TLR8: variants seen among roughly 807,000 people sequenced by gnomAD.
TLR8 encodes toll like receptor 8.
In TLR8, 5 loss-of-function variants were observed where a neutral mutation model predicts 18.5. The observed-to-expected ratio is 0.27, with a 90% CI of 0.14 to 0.57. The LOEUF (loss-of-function observed/expected upper bound fraction) is 0.57, where lower values mean the gene tolerates loss of function less well. TLR8 is among the 20% of genes least tolerant of loss of function. The pLI is 0.92. For synonymous variants in TLR8, 299 were observed against 300.1 expected (o/e 1.00, Z 0.04); for missense variants, 543 against 769.8 (o/e 0.71, Z 3.49).
rs766189129 is a variant in TLR8, at chrX:12,906,753, T to C, written c.3+44T>C. The C allele has an allele frequency of 1.2e-5, 13 of 1,067,829 alleles. No individual in the cohort carries two copies. In the South Asian group the frequency reaches 3.4e-4, roughly 28 times the overall value. The allele number at this position is 1,067,829 out of a possible 1,213,427, so 88.0% of individuals were successfully genotyped here. ...TTTAGCAAAGCTTTCCAACAGAATA[T>C]GGGGTTTCTGACCCAGAAATCTGGG... is the stretch of plus-strand genomic sequence containing the variant. On this transcript the variant is annotated intron_variant, in intron 1 of 1. Transcript: ENST00000218032.
At position 12,919,223 on chromosome X, in the gene TLR8, G is replaced by A; in HGVS notation, c.183G>A (p.Val61=). ...GACTACAGGAAGTTCCCCAAACGGTGGGCAAATATGTGACAGAACTAGACC... is the reference window on the plus strand; with the variant it reads ...GACTACAGGAAGTTCCCCAAACGGTAGGCAAATATGTGACAGAACTAGACC... ...NRRLQEVPQT[V]GKYVTELDLS... Residue 61 remains valine (V), a synonymous_variant, in exon 2 of 2, where the codon GTG becomes GTA. Transcript: ENST00000218032. 5 of 1,211,631 alleles carry A rather than the reference G, an allele frequency of 4.1e-6. No homozygotes were observed. Among genetic ancestry groups the A allele is most frequent in the Non-Finnish European group, 5.6e-6 (5 of 895,384 alleles).
At chrX:12,910,549 T>A in intron 1 of TLR8, 1 of 901,815 alleles carries the variant, frequency 1.1e-6, no homozygotes, top group Non-Finnish European at 1.5e-6. Flanking sequence ...CGTCCCTACC[T>A]TTGTGCCCAC....
chrX:12,920,932 A>G lies in TLR8; in HGVS notation c.1892A>G (p.Tyr631Cys), dbSNP rs1295237839. 9.1e-6 allele frequency: 11 copies of G among 1,208,888 alleles called. No homozygotes were observed. Among genetic ancestry groups the G allele is most frequent in the Non-Finnish European group, 1.2e-5 (11 of 894,350 alleles). Residue 631 changes from tyrosine (Y) to cysteine (C), a missense_variant, in exon 2 of 2, where the codon TAT (tyrosine) becomes TGT (cysteine). Physicochemically the swap from Tyr to Cys is radical, Grantham distance 194. Coordinates refer to ENST00000218032, the MANE Select transcript of TLR8 (RefSeq NM_138636.5). ...TTGTGGAATGATGATGACAACAGGT[A>G]TATCTCCATTTTCAAAGGTCTCAAG... ...DILWNDDDNR[Y>C]ISIFKGLKNL...
chrX:12,912,325 G>T (rs754930032), intron 1 of TLR8, among the ~76,000 whole-genome samples: 2 of 112,866 alleles, frequency 1.8e-5, no homozygotes, highest in East Asian at 5.6e-4. Context: ...ACAACTTTTG[G>T]TAGTCAGAGG....
chrX:12,920,990 G>A lies in TLR8; in HGVS notation c.1950G>A (p.Arg650=). 1 of 1,210,791 alleles carries A rather than the reference G, an allele frequency of 8.3e-7. No homozygotes were observed. The highest frequency in any genetic ancestry group is 1.8e-5 in the South Asian group (1 of 56,946). ...NLTRLDLSLN[R]LKHIPNEAFL... ...CACGTCTGGATTTATCCCTTAATAG[G>A]CTGAAGCACATCCCAAATGAAGCAT... Residue 650 remains arginine (R), a synonymous_variant, in exon 2 of 2, where the codon AGG becomes AGA. Coordinates refer to ENST00000218032, the MANE Select transcript of TLR8 (RefSeq NM_138636.5).
rs1020168815 is a variant in TLR8 at position 12,921,657 on chromosome X, C to T, written c.2617C>T (p.Leu873Phe). The T allele has an allele frequency of 9.1e-6, 11 of 1,211,824 alleles. No individual in the cohort carries two copies. The highest frequency in any genetic ancestry group is 1.2e-5 in the Non-Finnish European group (11 of 895,470). The change falls in exon 2 of 2, where the codon CTT becomes TTT. Residue 873 changes from leucine to phenylalanine, a missense_variant. Around this residue, in one of 4 missense-constraint regions of TLR8, gnomAD observed 227 missense variants for 312.9 expected, o/e 0.73. Coordinates refer to ENST00000218032, the MANE Select transcript of TLR8 (RefSeq NM_138636.5). ...AGCTAAGGTAAAAGGCTACAGGTCT[C>T]TTTCCACATCCCAAACTTTCTATGA... ...CLAKVKGYRS[L>F]STSQTFYDAY...
chrX:12,909,604 A>C (rs1393520608), intron 1 of TLR8, among the ~76,000 whole-genome samples: 5 of 111,559 alleles, frequency 4.5e-5, no homozygotes, highest in Admixed American at 2.8e-4. Context: ...CAGAAAGGGA[A>C]CGTGGAAAAT....
Position 12,910,942 on chromosome X carries a change from A to G in TLR8, c.3+4233A>G, listed in dbSNP as rs150093959. Among the ~76,000 whole-genome samples, 598 of 108,273 alleles carry G rather than the reference A, an allele frequency of 5.5e-3. 6 individuals carry two copies. Among genetic ancestry groups the G allele is most frequent in the African/African-American group, 0.019 (556 of 29,579 alleles). 94.0% of individuals were successfully genotyped at this position (108,273 alleles called of 115,157 possible). A position where few individuals can be genotyped will look rare whatever the true frequency, so the allele number is the denominator to read the frequency against. On this transcript the variant is annotated intron_variant, in intron 1 of 1. Coordinates refer to ENST00000218032, the MANE Select transcript of TLR8 (RefSeq NM_138636.5). The stretch of plus-strand genomic sequence containing the variant: ...GGCAGGGAGAGGAGAAGTTGGGCAC[A>G]TTTTTTTTTCTTTTTTTTTTCATGA...
In TLR8 at chrX:12,915,301, C is replaced by G. The variant is rs776716364; in HGVS notation, c.4-3743C>G. Among the ~76,000 whole-genome samples, 12 of 111,323 alleles carry G rather than the reference C, an allele frequency of 1.1e-4. No individual in the cohort carries two copies. In the East Asian group the frequency reaches 3.4e-3, roughly 31 times the overall value. On this transcript the variant is annotated intron_variant, in intron 1 of 1. Coordinates refer to ENST00000218032, the MANE Select transcript of TLR8 (RefSeq NM_138636.5). ...TCTCAGCCTCCCAAGTAGCTGGGAC[C>G]ACAAGCATGAGCCACCATGCCCCGC...
chrX:12,920,907 T>C lies in TLR8; in HGVS notation c.1867T>C (p.Leu623=). 1 of 1,211,007 alleles carries C rather than the reference T, an allele frequency of 8.3e-7. No homozygotes were observed. Among genetic ancestry groups the C allele is most frequent in the Non-Finnish European group, 1.1e-6 (1 of 894,912 alleles). ...LVFSGNRLDI[L]WNDDDNRYIS... The stretch of plus-strand genomic sequence containing the variant: ...TTTCAGTGGCAATCGCCTTGACATT[T>C]TGTGGAATGATGATGACAACAGGTA... Residue 623 remains leucine, a synonymous_variant, in exon 2 of 2, where the codon TTG becomes CTG. Transcript: ENST00000218032.
intron 1 of TLR8, among the ~76,000 whole-genome samples, chrX:12,913,941 T>G (rs1232488012): frequency 8.9e-6 from 1 of 112,561 alleles, no homozygotes; most frequent in East Asian, 2.8e-4. Context: ...TATGTTTCCT[T>G]TTTATGTGAA....
In TLR8 at chrX:12,920,963, G is replaced by A. The variant is rs746454764; in HGVS notation, c.1923G>A (p.Leu641=). The A allele has an allele frequency of 8.3e-7, 1 of 1,211,044 alleles. No individual in the cohort carries two copies. The highest frequency in any genetic ancestry group is 1.8e-5 in the South Asian group (1 of 56,823). ...CCATTTTCAAAGGTCTCAAGAATCT[G>A]ACACGTCTGGATTTATCCCTTAATA... ...YISIFKGLKN[L]TRLDLSLNRL... The change falls in exon 2 of 2, where the codon CTG becomes CTA. Residue 641 remains leucine (L), a synonymous_variant. Coordinates refer to ENST00000218032, the MANE Select transcript of TLR8 (RefSeq NM_138636.5).
Position 12,919,030 on chromosome X carries a change from T to C in TLR8, c.4-14T>C, listed in dbSNP as rs747325889. 1 of 1,186,378 alleles carries C rather than the reference T, an allele frequency of 8.4e-7. No individual in the cohort carries two copies. The highest frequency in any genetic ancestry group is 1.8e-5 in the African/African-American group (1 of 56,421). On this transcript the variant is annotated splice_polypyrimidine_tract_variant and intron_variant, in intron 1 of 1. Coordinates refer to ENST00000218032, the MANE Select transcript of TLR8 (RefSeq NM_138636.5). ...CTACTCTAATACTGTGCTTCCACTT[T>C]TGATTTTCCTTAGGAAAACATGTTC... is the stretch of plus-strand genomic sequence containing the variant.
Position 12,919,100 on chromosome X carries a change from T to A in TLR8, c.60T>A (p.Gly20=), listed in dbSNP as rs935698799. 8.3e-7 allele frequency: 1 copy of A among 1,209,531 alleles called. No homozygotes were observed. Among genetic ancestry groups the A allele is most frequent in the African/African-American group, 1.7e-5 (1 of 57,162 alleles). ...MLTCIFLLIS[G]SCELCAEENF... ...CCTGCATTTTCCTGCTAATATCTGG[T>A]TCCTGTGAGTTATGCGCCGAAGAAA... The change falls in exon 2 of 2, where the codon GGT becomes GGA. Residue 20 remains glycine (G), a synonymous_variant. Coordinates refer to ENST00000218032, the MANE Select transcript of TLR8 (RefSeq NM_138636.5).
chrX:12,910,497 C>T, intron 1 of TLR8: 1 of 1,104,277 alleles, frequency 9.1e-7, no homozygotes, highest in Non-Finnish European at 1.2e-6. Context: ...AGACCACCTG[C>T]ACTGCACACT....
chrX:12,915,761 G>A (rs749029168), intron 1 of TLR8, among the ~76,000 whole-genome samples: 13 of 112,647 alleles, frequency 1.2e-4, no homozygotes, highest in Non-Finnish European at 2.3e-4. Context: ...GGAAACTCAC[G>A]GGAATAGACA....
chrX:12,911,979 G>T (rs5744048), intron 1 of TLR8, among the ~76,000 whole-genome samples: 3,865 of 112,462 alleles, frequency 0.034, 153 homozygotes, highest in African/African-American at 0.12. Flanking sequence ...TTTGATCTTA[G>T]AGGATTCTAT....
At chrX:12,913,732 G>C (rs1178562529) in intron 1 of TLR8, among the ~76,000 whole-genome samples, 1 of 112,170 alleles carries the variant, frequency 8.9e-6, no homozygotes, top group African/African-American at 3.2e-5. Flanking sequence ...CCAACTCCAA[G>C]TATATGTTTC....
Position 12,921,116 on chromosome X carries a change from G to T in TLR8, c.2076G>T (p.Leu692Phe). The T allele has an allele frequency of 8.3e-7, 1 of 1,211,360 alleles. No homozygotes were observed. The highest frequency in any genetic ancestry group is 1.8e-5 in the South Asian group (1 of 56,929). The change falls in exon 2 of 2, where the codon TTG becomes TTT. Residue 692 changes from leucine (L) to phenylalanine (F), a missense_variant. Physicochemically the swap from Leu to Phe is conservative, Grantham distance 22 (BLOSUM62 0). Transcript: ENST00000218032. ...TCCAGCAGTTTCCTCGTCTCGAGTT[G>T]CTTGACTTACGTGGAAACAAACTAC... ...TLLQQFPRLE[L>F]LDLRGNKLLF...
Sources: allele counts gnomAD v4.1 joint callset (sites outside exome capture counted in the v4.1 genomes callset), GRCh38; gene constraint gnomAD v4.1.1; regional missense constraint gnomAD v4.1.1; transcripts MANE v1.5; gene names NCBI Gene and HGNC (gene_info 2026-07-23, HGNC 2026-07-21).